The following TMEM135 variants were observed in gnomAD, a reference collection of about 807,000 sequenced individuals.
The protein encoded by TMEM135 is peroxisomal membrane protein 52.
TMEM135 carries 30 observed loss-of-function variants against 60.3 expected under a neutral mutation model. The observed-to-expected ratio is 0.50, with a 90% confidence interval of 0.37 to 0.68. TMEM135 has a LOEUF of 0.68. Among genes scored for constraint, TMEM135 ranks in the 30% least tolerant of loss-of-function variants. The probability of loss-of-function intolerance (pLI) is 0.00; values close to 1 mark genes in which losing one functional copy is unlikely to be tolerated. For missense variants in TMEM135, 468 were observed against 548.8 expected (o/e 0.85, Z 1.47); for synonymous variants, 190 against 186.7 (o/e 1.02, Z -0.14).
chr11:87,209,438 A>G (rs1940311598), intron 5 of TMEM135, among the ~76,000 whole-genome samples: 1 of 152,226 alleles, frequency 6.6e-6, no homozygotes, highest in Non-Finnish European at 1.5e-5. Flanking sequence ...AGTAATGATC[A>G]GAAAGGACAA....
intron 5 of TMEM135, among the ~76,000 whole-genome samples, chr11:87,194,056 T>C (rs528622207): frequency 1.3e-5 from 2 of 152,292 alleles, no homozygotes; most frequent in African/African-American, 4.8e-5. Flanking sequence ...TAAAATGTTT[T>C]GAATCAGTTA....
chr11:87,156,483 C>A (rs1165443591), intron 4 of TMEM135, among the ~76,000 whole-genome samples: 1 of 152,142 alleles, frequency 6.6e-6, no homozygotes, highest in South Asian at 2.1e-4. Flanking sequence ...GTATTCCAAA[C>A]CATGAGCACA....
At chr11:87,123,659 G>A (rs916641768) in intron 4 of TMEM135, among the ~76,000 whole-genome samples, 2 of 152,264 alleles carry the variant, frequency 1.3e-5, no homozygotes, top group East Asian at 3.9e-4. Flanking sequence ...TACAAAACAG[G>A]TGGTGGGGTG....
At chr11:87,213,329 A>G (rs531628227) in intron 5 of TMEM135, among the ~76,000 whole-genome samples, 1 of 152,304 alleles carries the variant, frequency 6.6e-6, no homozygotes, top group Admixed American at 6.5e-5. Context: ...AACTTCTATT[A>G]CTACTGCAAC....
chr11:87,162,355 A>T (rs1938903679), intron 5 of TMEM135, among the ~76,000 whole-genome samples: 1 of 152,202 alleles, frequency 6.6e-6, no homozygotes, highest in Admixed American at 6.5e-5. Context: ...ATTTCTTCTA[A>T]TGCTATCCCT....
intron 4 of TMEM135, among the ~76,000 whole-genome samples, chr11:87,107,947 G>T (rs1046268362): frequency 6.6e-6 from 1 of 152,034 alleles, no homozygotes; most frequent in East Asian, 1.9e-4. Context: ...TTTGAATGAT[G>T]GCCATTCTAA....
intron 4 of TMEM135, among the ~76,000 whole-genome samples, chr11:87,094,516 C>G (rs1020066170): frequency 1.3e-5 from 2 of 152,150 alleles, no homozygotes; most frequent in South Asian, 4.1e-4. Flanking sequence ...TTTCAATTCC[C>G]TCCGCCTAGT....
intron 4 of TMEM135, among the ~76,000 whole-genome samples, chr11:87,150,554 CTG>C (rs1338818079): frequency 6.6e-6 from 1 of 152,184 alleles, no homozygotes; most frequent in Non-Finnish European, 1.5e-5. Context: ...TCTGTTCAAA[CTG>C]TGTAACAATT....
intron 4 of TMEM135, among the ~76,000 whole-genome samples, chr11:87,101,767 G>A (rs1313896597): frequency 6.6e-6 from 1 of 152,168 alleles, no homozygotes; most frequent in African/African-American, 2.4e-5. Context: ...CAGAGGTTGG[G>A]AGTTCGAGAC....
At chr11:87,273,631 A>G (rs1422556543) in intron 6 of TMEM135, among the ~76,000 whole-genome samples, 1 of 152,200 alleles carries the variant, frequency 6.6e-6, no homozygotes, top group East Asian at 1.9e-4. Flanking sequence ...GAGAAGGGAG[A>G]ATAAGACAAA....
chr11:87,295,437 T>A lies in TMEM135; in HGVS notation c.510-345T>A, dbSNP rs971761523. 8.5e-5 allele frequency among the ~76,000 whole-genome samples: 13 copies of A among 152,290 alleles called. No homozygotes were observed. In the East Asian group the frequency reaches 9.6e-4, roughly 11 times the overall value. ...CCACCAGGTGTATGTGGTCTTTTTC[T>A]TCTCAGCAAATTGGTCCCCTAGGGA... On this transcript the variant is annotated intron_variant, in intron 6 of 14. Coordinates refer to ENST00000305494, the MANE Select transcript of TMEM135 (RefSeq NM_022918.4).
chr11:87,310,451 A>G (rs1483681164), intron 10 of TMEM135, among the ~76,000 whole-genome samples: 3 of 152,090 alleles, frequency 2.0e-5, no homozygotes, highest in African/African-American at 7.2e-5. Flanking sequence ...CATAAAGATG[A>G]CAACAGAAGT....
intron 1 of TMEM135, among the ~76,000 whole-genome samples, chr11:87,054,986 C>T (rs1398970677): frequency 1.3e-5 from 2 of 152,064 alleles, no homozygotes; most frequent in Non-Finnish European, 2.9e-5. Flanking sequence ...TACATGTTAC[C>T]TACAATGAGT....
intron 5 of TMEM135, among the ~76,000 whole-genome samples, chr11:87,191,272 G>A (rs1458825120): frequency 7.4e-5 from 11 of 149,562 alleles, no homozygotes; most frequent in Non-Finnish European, 1.6e-4. Flanking sequence ...ACAGAGTCCC[G>A]CTCTTTCACC....
intron 7 of TMEM135, among the ~76,000 whole-genome samples, chr11:87,298,655 T>C (rs899752930): frequency 4.6e-5 from 7 of 151,346 alleles, no homozygotes; most frequent in Non-Finnish European, 8.8e-5. Flanking sequence ...GGCATGGTGG[T>C]GGGCATCTGT....
intron 4 of TMEM135, among the ~76,000 whole-genome samples, chr11:87,092,035 T>A (rs1282345840): frequency 6.6e-6 from 1 of 152,156 alleles, no homozygotes; most frequent in Non-Finnish European, 1.5e-5. Context: ...ATTAAAAAAT[T>A]TAACTAGGAA....
rs1414187123 is a variant in TMEM135 at position 87,283,331 on chromosome 11, C to T, written c.510-12451C>T. Among the ~76,000 whole-genome samples the T allele has an allele frequency of 4.2e-5, 6 of 144,240 alleles. No individual in the cohort carries two copies. In the East Asian group the frequency reaches 8.1e-4, roughly 19 times the overall value. The allele number at this position is 144,240 out of a possible 152,430, so 94.6% of individuals were successfully genotyped here. ...CTGGGCAACAAGAGTGAAATTCCAT[C>T]TCAAAAAAAAAAAAAGAAAAGAAAA... On this transcript the variant is annotated intron_variant, in intron 6 of 14. Transcript: ENST00000305494.
intron 5 of TMEM135, among the ~76,000 whole-genome samples, chr11:87,211,276 A>C (rs2135343109): frequency 6.6e-6 from 1 of 152,354 alleles, no homozygotes. Context: ...ATTTCATATG[A>C]ATATCCTCAT....
chr11:87,093,280 C>A (rs1440589637), intron 4 of TMEM135, among the ~76,000 whole-genome samples: 4 of 151,884 alleles, frequency 2.6e-5, no homozygotes, highest in Admixed American at 6.6e-5. Context: ...GTGGTGTGAT[C>A]ACGGCTCACT....
Sources: gnomAD v4.1 joint callset for allele counts (sites outside exome capture counted in the v4.1 genomes callset) on GRCh38, gnomAD v4.1.1 for gene constraint, MANE v1.5 for transcripts, NCBI Gene and HGNC (gene_info 2026-07-23, HGNC 2026-07-21) for gene names.